PCDH15: variants seen among roughly 807,000 people sequenced by gnomAD.
The protein encoded by PCDH15 is protocadherin-15.
In PCDH15, 129 loss-of-function variants were observed where a neutral mutation model predicts 178.5. That is an observed-to-expected ratio of 0.72 (90% CI 0.63 to 0.84). PCDH15 has a LOEUF of 0.84. Among genes scored for constraint, PCDH15 ranks in the 40% least tolerant of loss-of-function variants. PCDH15 has a pLI of 0.00. For missense variants in PCDH15, 2,230 were observed against 2,099.9 expected, an observed-to-expected ratio of 1.06 and a Z score of -1.21; for synonymous variants, 800 against 732.0, an observed-to-expected ratio of 1.09 and a Z score of -1.50.
intron 3 of PCDH15, among the ~76,000 whole-genome samples, chr10:54,491,515 A>G (rs993516718): frequency 1.3e-5 from 2 of 152,130 alleles, no homozygotes; most frequent in Non-Finnish European, 2.9e-5. Flanking sequence ...TATAGAGTAG[A>G]TGATTAGAAA....
chr10:54,563,917 G>T (rs921951514), intron 2 of PCDH15, among the ~76,000 whole-genome samples: 3 of 152,142 alleles, frequency 2.0e-5, no homozygotes, highest in African/African-American at 4.8e-5. Flanking sequence ...ACTTCGACTG[G>T]TTGCCTCACA....
intron 25 of PCDH15, among the ~76,000 whole-genome samples, chr10:53,909,762 T>G (rs2082938614): frequency 6.6e-6 from 1 of 152,110 alleles, no homozygotes; most frequent in Admixed American, 6.6e-5. Context: ...CCAAGGGAAG[T>G]CATGACAGAT....
In PCDH15 at chr10:54,576,904, T is replaced by C. The variant is rs555995343; in HGVS notation, c.92-49027A>G. ...ATTTGTGAAAAAAATACATTGGTAG[T>C]TCCGCTCTTGAGGAGTACGCAATCT... On this transcript the variant is annotated intron_variant, in intron 2 of 37. Coordinates refer to ENST00000644397, the MANE Select transcript of PCDH15 (RefSeq NM_001384140.1). 4.6e-5 allele frequency among the ~76,000 whole-genome samples: 7 copies of C among 151,886 alleles called. No individual in the cohort carries two copies. The South Asian group carries it at 1.0e-3, about 23-fold the overall frequency.
At chr10:54,287,534 G>A (rs145464897) in intron 8 of PCDH15, among the ~76,000 whole-genome samples, 3,451 of 152,146 alleles carry the variant, frequency 0.023, 108 homozygotes, top group African/African-American at 0.064. Flanking sequence ...CTCATCAGAG[G>A]TTTTTGATAA....
At chr10:54,062,233 A>AC (rs2135755861) in intron 18 of PCDH15, among the ~76,000 whole-genome samples, 1 of 91,134 alleles carries the variant, frequency 1.1e-5, no homozygotes, top group African/African-American at 3.2e-5. Context: ...GTCTCAAAAA[A>AC]AAAAAAAAAA....
intron 8 of PCDH15, among the ~76,000 whole-genome samples, chr10:54,278,831 T>A (rs2058501244): frequency 6.6e-6 from 1 of 151,656 alleles, no homozygotes; most frequent in Non-Finnish European, 1.5e-5. Context: ...GTTATTCTAT[T>A]TGTTCAGCAT....
At chr10:55,434,119 C>T (rs1238501856) in intron 2 of PCDH15, among the ~76,000 whole-genome samples, 1 of 105,458 alleles carries the variant, frequency 9.5e-6, no homozygotes, top group East Asian at 3.3e-4. Flanking sequence ...CTCTCTCTGT[C>T]GCCCAGGCTG....
intron 17 of PCDH15, among the ~76,000 whole-genome samples, chr10:54,067,402 T>C (rs1306285742): frequency 6.6e-6 from 1 of 152,070 alleles, no homozygotes; most frequent in Non-Finnish European, 1.5e-5. Context: ...AAACCAAGAG[T>C]TTGAGTACCA....
At chr10:55,503,300 TTAAA>T (rs1392372660) in intron 2 of PCDH15, among the ~76,000 whole-genome samples, 3 of 149,934 alleles carry the variant, frequency 2.0e-5, no homozygotes, top group South Asian at 2.1e-4. Context: ...GAATTAAATT[TTAAA>T]TAAACTAAGT....
intron 2 of PCDH15, among the ~76,000 whole-genome samples, chr10:55,360,311 G>A (rs1201101667): frequency 6.6e-6 from 1 of 151,858 alleles, no homozygotes; most frequent in Non-Finnish European, 1.5e-5. Flanking sequence ...ATGATAAGAT[G>A]TTAAAAAATA....
At chr10:54,386,136 GTGTGTGTA>G (rs780581928) in intron 3 of PCDH15, among the ~76,000 whole-genome samples, 1 of 128,548 alleles carries the variant, frequency 7.8e-6, no homozygotes, top group Non-Finnish European at 1.8e-5. Context: ...GTGTGTGTGT[GTGTGTGTA>G]GACTCTTTAG....
intron 1 of PCDH15, among the ~76,000 whole-genome samples, chr10:54,753,607 A>G (rs1228994300): frequency 6.6e-6 from 1 of 152,238 alleles, no homozygotes; most frequent in Admixed American, 6.5e-5. Flanking sequence ...ACCACAGTGT[A>G]AAAACATTTG....
chr10:55,020,383 CAA>C (rs796225436), intron 2 of PCDH15, among the ~76,000 whole-genome samples: 2 of 135,558 alleles, frequency 1.5e-5, no homozygotes, highest in Non-Finnish European at 1.6e-5. Context: ...AATGAGAATG[CAA>C]AAAAAAAAAG....
At chr10:55,278,667 A>G (rs777029806) in intron 1 of PCDH15, among the ~76,000 whole-genome samples, 2 of 152,244 alleles carry the variant, frequency 1.3e-5, no homozygotes, top group Non-Finnish European at 2.9e-5. Flanking sequence ...CAGAATCAGT[A>G]AGAATTTATA....
chr10:54,535,863 T>G (rs1414837630), intron 2 of PCDH15, among the ~76,000 whole-genome samples: 2 of 152,194 alleles, frequency 1.3e-5, no homozygotes, highest in Non-Finnish European at 2.9e-5. Context: ...TTATTGTACT[T>G]TATTTTATAG....
chr10:54,852,199 T>C (rs1953633995), intron 3 of PCDH15, among the ~76,000 whole-genome samples: 1 of 152,170 alleles, frequency 6.6e-6, no homozygotes, highest in Non-Finnish European at 1.5e-5. Context: ...GATCACAATG[T>C]ATGAATGAAA....
chr10:54,938,930 G>A (rs1362096311), intron 2 of PCDH15, among the ~76,000 whole-genome samples: 1 of 152,084 alleles, frequency 6.6e-6, no homozygotes, highest in Non-Finnish European at 1.5e-5. Context: ...CTAGATTCTG[G>A]GAAGGTTACA....
intron 26 of PCDH15, among the ~76,000 whole-genome samples, chr10:53,875,902 A>G (rs1301356391): frequency 6.6e-6 from 1 of 152,202 alleles, no homozygotes; most frequent in Non-Finnish European, 1.5e-5. Flanking sequence ...ATGGATGCAG[A>G]AATATTAGTG....
intron 2 of PCDH15, among the ~76,000 whole-genome samples, chr10:54,614,546 T>C (rs1471838507): frequency 6.6e-6 from 1 of 152,036 alleles, no homozygotes; most frequent in African/African-American, 2.4e-5. Flanking sequence ...CCAAAGTAAC[T>C]GCAAAACTAT....
Sources: gnomAD v4.1 joint callset for allele counts (sites outside exome capture counted in the v4.1 genomes callset) on GRCh38, gnomAD v4.1.1 for gene constraint, MANE v1.5 for transcripts, NCBI Gene and HGNC (gene_info 2026-07-23, HGNC 2026-07-21) for gene names.